Variants in UBE2N observed in about 807,000 individuals in gnomAD.
The protein encoded by UBE2N is ubiquitin conjugating enzyme E2 N.
For missense variants in UBE2N, 60 were observed against 192.1 expected, an observed-to-expected ratio of 0.31 and a Z score of 4.07; for synonymous variants, 70 against 69.2, an observed-to-expected ratio of 1.01 and a Z score of -0.06.
chr12:93,422,357 T>C (rs1053936278), intron 1 of UBE2N, among the ~76,000 whole-genome samples: 1 of 152,242 alleles, frequency 6.6e-6, no homozygotes, highest in Non-Finnish European at 1.5e-5. Context: ...ATTTAAATAA[T>C]GTAGCTGTCT....
intron 1 of UBE2N, among the ~76,000 whole-genome samples, chr12:93,436,202 A>G (rs1878930378): frequency 6.6e-6 from 1 of 152,168 alleles, no homozygotes; most frequent in Non-Finnish European, 1.5e-5. Flanking sequence ...CCTGGGCCAA[A>G]CCAATCCTCC....
chr12:93,441,586 G>A (rs1187699449), intron 1 of UBE2N, among the ~76,000 whole-genome samples: 1 of 151,976 alleles, frequency 6.6e-6, no homozygotes, highest in Non-Finnish European at 1.5e-5. Context: ...ACCCTCCGCC[G>A]GGGCGTGGGA....
chr12:93,407,565 G>C lies in UBE2N; in HGVS notation c.*2474C>G, dbSNP rs576250034. 21 of 152,360 alleles carry C rather than the reference G, an allele frequency of 1.4e-4. No individual in the cohort carries two copies. Among genetic ancestry groups the C allele is most frequent in the African/African-American group, 4.8e-4 (20 of 41,586 alleles). 9.4% of individuals were successfully genotyped at this position (152,360 alleles called of 1,614,324 possible). On this transcript the variant is annotated 3_prime_UTR_variant, in exon 4 of 4. Coordinates refer to ENST00000318066, the MANE Select transcript of UBE2N (RefSeq NM_003348.4). ...ACAATGACATGCTCTTAGGGTGTCT[G>C]CTACTCAGATCCTCTCAGTTAAGTC... is the stretch of plus-strand genomic sequence containing the variant.
intron 1 of UBE2N, among the ~76,000 whole-genome samples, chr12:93,412,412 C>T (rs1878055640): frequency 6.6e-6 from 1 of 152,346 alleles, no homozygotes; most frequent in African/African-American, 2.4e-5. Context: ...ATGTCACGTA[C>T]TCTTGGCTAG....
At chr12:93,440,088 C>T (rs1378212213) in intron 1 of UBE2N, among the ~76,000 whole-genome samples, 1 of 152,106 alleles carries the variant, frequency 6.6e-6, no homozygotes, top group Non-Finnish European at 1.5e-5. Flanking sequence ...TAGAAAAATG[C>T]GTGTTAAATG....
chr12:93,423,463 A>C (rs899066474), intron 1 of UBE2N, among the ~76,000 whole-genome samples: 1 of 152,216 alleles, frequency 6.6e-6, no homozygotes, highest in African/African-American at 2.4e-5. Context: ...GAGAGCATAC[A>C]AGTCAACCAA....
chr12:93,418,354 C>T (rs1878289263), intron 1 of UBE2N, among the ~76,000 whole-genome samples: 8 of 151,338 alleles, frequency 5.3e-5, no homozygotes. Flanking sequence ...ATAGTGAGAC[C>T]TTGTCTCTTA....
At chr12:93,438,447 G>A (rs1233881293) in intron 1 of UBE2N, among the ~76,000 whole-genome samples, 3 of 152,140 alleles carry the variant, frequency 2.0e-5, no homozygotes, top group Non-Finnish European at 4.4e-5. Flanking sequence ...ACTGGAATAA[G>A]CTCAACCACT....
chr12:93,427,566 G>GAAA (rs1878632999), intron 1 of UBE2N, among the ~76,000 whole-genome samples: 4 of 152,162 alleles, frequency 2.6e-5, no homozygotes, highest in Non-Finnish European at 5.9e-5. Flanking sequence ...CATAGAATTG[G>GAAA]AAAGCAGATA....
At position 93,407,274 on chromosome 12, in the gene UBE2N, A is replaced by G. The variant is rs956396113; in HGVS notation, c.*2765T>C. The G allele has an allele frequency of 6.6e-6, 1 of 152,316 alleles. No individual in the cohort carries two copies. Among genetic ancestry groups the G allele is most frequent in the African/African-American group, 2.4e-5 (1 of 41,442 alleles). 9.4% of individuals were successfully genotyped at this position (152,316 alleles called of 1,614,324 possible). A position where few individuals can be genotyped will look rare whatever the true frequency, so the allele number is the denominator to read the frequency against. The stretch of plus-strand genomic sequence containing the variant: ...TGGCCTGAATCCAAAAGTCTGTCCA[A>G]GTTACTTCTCTTTTCCATGACAGAG... On this transcript the variant is annotated 3_prime_UTR_variant, in exon 4 of 4. Coordinates refer to ENST00000318066, the MANE Select transcript of UBE2N (RefSeq NM_003348.4).
At chr12:93,415,052 T>C (rs1007220960) in intron 1 of UBE2N, among the ~76,000 whole-genome samples, 13 of 152,192 alleles carry the variant, frequency 8.5e-5, no homozygotes, top group African/African-American at 3.1e-4. Context: ...AGGCAGGATG[T>C]GCACATTATG....
chr12:93,433,299 T>C (rs1349992069), intron 1 of UBE2N, among the ~76,000 whole-genome samples: 5 of 152,162 alleles, frequency 3.3e-5, no homozygotes, highest in Non-Finnish European at 7.3e-5. Context: ...TGAATAATAA[T>C]GAAGTATTTC....
chr12:93,427,894 T>C (rs902097643), intron 1 of UBE2N, among the ~76,000 whole-genome samples: 5 of 152,226 alleles, frequency 3.3e-5, no homozygotes, highest in Non-Finnish European at 7.3e-5. Flanking sequence ...ATTTAGTATA[T>C]AACATATTCA....
intron 1 of UBE2N, among the ~76,000 whole-genome samples, chr12:93,419,294 G>A (rs925114382): frequency 2.6e-5 from 4 of 152,056 alleles, no homozygotes; most frequent in Admixed American, 2.6e-4. Context: ...GGAGGCTGAG[G>A]CAGGAGAATC....
At position 93,441,904 on chromosome 12, in the gene UBE2N, G is replaced by A. The variant is rs779751450; in HGVS notation, c.-20C>T. 24 of 1,573,336 alleles carry A rather than the reference G, an allele frequency of 1.5e-5. No individual in the cohort carries two copies. The highest frequency in any genetic ancestry group is 5.5e-5 in the Admixed American group (3 of 54,554). The stretch of plus-strand genomic sequence containing the variant: ...GGCCATCTTGTCAGAACCCGAGTTC[G>A]GCCTCTGGTCTCGTCTCCGGCTCCT... On this transcript the variant is annotated 5_prime_UTR_variant, in exon 1 of 4. Coordinates refer to ENST00000318066, the MANE Select transcript of UBE2N (RefSeq NM_003348.4).
At chr12:93,436,562 A>G (rs923720201) in intron 1 of UBE2N, among the ~76,000 whole-genome samples, 1 of 152,182 alleles carries the variant, frequency 6.6e-6, no homozygotes, top group African/African-American at 2.4e-5. Context: ...GATTATGCAG[A>G]ACCTCTCATT....
chr12:93,427,178 C>T (rs1878620976), intron 1 of UBE2N, among the ~76,000 whole-genome samples: 1 of 152,186 alleles, frequency 6.6e-6, no homozygotes, highest in African/African-American at 2.4e-5. Flanking sequence ...CCTCAGCCTC[C>T]CAAAGGGCTG....
intron 1 of UBE2N, among the ~76,000 whole-genome samples, chr12:93,432,079 A>G (rs1878787769): frequency 6.6e-6 from 1 of 152,172 alleles, no homozygotes; most frequent in Admixed American, 6.5e-5. Context: ...TAAAAATACC[A>G]AAATTAGCCG....
At chr12:93,418,468 A>T (rs1430389399) in intron 1 of UBE2N, among the ~76,000 whole-genome samples, 2 of 148,572 alleles carry the variant, frequency 1.3e-5, no homozygotes, top group African/African-American at 5.3e-5. Context: ...ATTTTACTAC[A>T]TGATTTTGTA....
Sources: allele counts gnomAD v4.1 joint callset (sites outside exome capture counted in the v4.1 genomes callset), GRCh38; gene constraint gnomAD v4.1.1; transcripts MANE v1.5; gene names NCBI Gene and HGNC (gene_info 2026-07-23, HGNC 2026-07-21).